Variants in CCDC68 observed in about 807,000 individuals in gnomAD.
CCDC68 encodes the protein coiled-coil domain containing 68.
Under a neutral mutation model 47.1 loss-of-function variants are expected in CCDC68, and 45 were observed. That is an observed-to-expected ratio of 0.96 (90% confidence interval 0.75 to 1.23). CCDC68 has a LOEUF of 1.23. Ranked by LOEUF, CCDC68 falls within the 50% of genes most tolerant of loss-of-function variation. The pLI, the probability that CCDC68 is intolerant of heterozygous loss-of-function variation, is 0.00. For missense variants in CCDC68, 353 were observed against 373.6 expected, an observed-to-expected ratio of 0.94 and a Z score of 0.45; for synonymous variants, 131 against 129.5, an observed-to-expected ratio of 1.01 and a Z score of -0.08.
chr18:54,938,202 T>A, intron 4 of CCDC68, 105 bp from the exon 5 acceptor site: 1 of 1,076,376 alleles, frequency 9.3e-7, no homozygotes, highest in Non-Finnish European at 1.3e-6. Flanking sequence ...AAGCTTCAGA[T>A]CAGCACAAAC....
chr18:54,933,381 T>C (rs1156372362), intron 7 of CCDC68, among the ~76,000 whole-genome samples: 1 of 152,176 alleles, frequency 6.6e-6, no homozygotes, highest in East Asian at 1.9e-4. Context: ...ATGCCCAGCC[T>C]GTTCTTTTGT....
intron 3 of CCDC68, 98 bp downstream of exon 3, chr18:54,942,575 TAC>T (rs113368524): frequency 0.045 from 30,934 of 693,062 alleles, 859 homozygotes; most frequent in Middle Eastern, 0.089. Flanking sequence ...GTTGTTCCTT[TAC>T]ATATGTTCTA....
chr18:54,928,273 G>T (rs985701376), intron 8 of CCDC68, among the ~76,000 whole-genome samples: 1 of 152,154 alleles, frequency 6.6e-6, no homozygotes, highest in African/African-American at 2.4e-5. Flanking sequence ...TGAGGACTGT[G>T]ACTGCTTGTG....
chr18:54,940,541 A>T (rs2044418297), intron 4 of CCDC68, among the ~76,000 whole-genome samples: 1 of 152,214 alleles, frequency 6.6e-6, no homozygotes. Flanking sequence ...TAATCCAGAC[A>T]AGGCTAAGTG....
intron 7 of CCDC68, among the ~76,000 whole-genome samples, chr18:54,934,369 C>T (rs2044309522): frequency 6.6e-6 from 1 of 152,176 alleles, no homozygotes; most frequent in African/African-American, 2.4e-5. Context: ...TCTCCTAGTG[C>T]AGCCGTAGGT....
chr18:54,935,121 CA>C, intron 6 of CCDC68, among the ~76,000 whole-genome samples, 173 bp from the exon 7 acceptor site: 1 of 152,290 alleles, frequency 6.6e-6, no homozygotes, highest in East Asian at 1.9e-4. Flanking sequence ...TAGACTACAA[CA>C]ACATTAAATA....
chr18:54,903,408 T>G lies in CCDC68; in HGVS notation c.*950A>C, dbSNP rs1913795042. The G allele has an allele frequency of 6.6e-6, 1 of 152,218 alleles. No individual in the cohort carries two copies. The highest frequency in any genetic ancestry group is 1.5e-5 in the Non-Finnish European group (1 of 68,034). 9.4% of individuals were successfully genotyped at this position (152,218 alleles called of 1,614,324 possible). ...CTACAAAGAAGGCATGTATCAGAAT[T>G]TAAGCAAACTTTCACAAATACACTA... On this transcript the variant is annotated 3_prime_UTR_variant, in exon 12 of 12. Transcript: ENST00000591504.
chr18:54,947,847 C>CG (rs1440662818), intron 1 of CCDC68, among the ~76,000 whole-genome samples: 3 of 152,040 alleles, frequency 2.0e-5, no homozygotes, highest in African/African-American at 4.8e-5. Flanking sequence ...CTAGCAAACC[C>CG]GGGGGAGAAA....
At chr18:54,911,150 C>T (rs537758657) in intron 10 of CCDC68, among the ~76,000 whole-genome samples, 8 of 152,288 alleles carry the variant, frequency 5.3e-5, no homozygotes, top group East Asian at 3.9e-4. Flanking sequence ...TGGGTTCAAG[C>T]GATTCTCCTG....
chr18:54,902,238 G>C lies in CCDC68; in HGVS notation c.*2120C>G, dbSNP rs1244443259. 1 of 152,148 alleles carries C rather than the reference G, an allele frequency of 6.6e-6. No individual in the cohort carries two copies. The highest frequency in any genetic ancestry group is 2.4e-5 in the African/African-American group (1 of 41,434). 9.4% of individuals were successfully genotyped at this position (152,148 alleles called of 1,614,324 possible). The stretch of plus-strand genomic sequence containing the variant: ...ATTTCCATGTTCAAAAATGAGTATA[G>C]TGAAATCAAAATAAAAACCAACAGT... On this transcript the variant is annotated 3_prime_UTR_variant, in exon 12 of 12. Transcript: ENST00000591504.
chr18:54,911,919 T>A (rs1277131781), intron 10 of CCDC68, among the ~76,000 whole-genome samples: 1 of 152,246 alleles, frequency 6.6e-6, no homozygotes, highest in African/African-American at 2.4e-5. Context: ...GATTTAGGCA[T>A]TTAGTCTTGA....
chr18:54,942,220 A>T (rs1180555042), intron 3 of CCDC68, among the ~76,000 whole-genome samples: 1 of 152,254 alleles, frequency 6.6e-6, no homozygotes. Flanking sequence ...ATGAAGTGAT[A>T]TGCCAACCCA....
At chr18:54,909,041 T>C (rs1914184534) in intron 10 of CCDC68, among the ~76,000 whole-genome samples, 1 of 152,168 alleles carries the variant, frequency 6.6e-6, no homozygotes, top group African/African-American at 2.4e-5. Context: ...ATAAATTGAA[T>C]TCCAAAGACT....
intron 1 of CCDC68, among the ~76,000 whole-genome samples, chr18:54,952,328 T>G: frequency 6.6e-6 from 1 of 152,232 alleles, no homozygotes; most frequent in Non-Finnish European, 1.5e-5. Context: ...TAAAATATTT[T>G]AGGAGTGAAG....
chr18:54,907,468 A>T (rs1197457371), intron 11 of CCDC68, among the ~76,000 whole-genome samples: 7 of 152,228 alleles, frequency 4.6e-5, no homozygotes, highest in Non-Finnish European at 1.0e-4. Context: ...AACTTGAGCA[A>T]CAGAAGAAGA....
chr18:54,918,710 C>A (rs28718748), intron 9 of CCDC68, among the ~76,000 whole-genome samples: 150,070 of 152,304 alleles, frequency 0.99, 73,985 homozygotes, highest in East Asian at 1. Flanking sequence ...CAGTAAAGTA[C>A]CTGAATAGAA....
At chr18:54,956,667 T>C (rs1266410762) in intron 1 of CCDC68, among the ~76,000 whole-genome samples, 1 of 152,192 alleles carries the variant, frequency 6.6e-6, no homozygotes, top group Non-Finnish European at 1.5e-5. Flanking sequence ...CTAAAGACTA[T>C]ATATTGTACG....
intron 11 of CCDC68, among the ~76,000 whole-genome samples, chr18:54,904,945 C>T (rs1236719366): frequency 6.6e-6 from 1 of 151,984 alleles, no homozygotes; most frequent in Non-Finnish European, 1.5e-5. Flanking sequence ...CAACATGGCC[C>T]CTCATCTCAA....
chr18:54,928,993 T>A (rs2044196504), intron 7 of CCDC68, 111 bp from the exon 8 acceptor site: 8 of 665,190 alleles, frequency 1.2e-5, no homozygotes, highest in Admixed American at 2.5e-5. Context: ...ATTTCACATG[T>A]GCTGTTACTC....
Sources: gnomAD v4.1 joint callset for allele counts (sites outside exome capture counted in the v4.1 genomes callset) on GRCh38, gnomAD v4.1.1 for gene constraint, MANE v1.5 for transcripts, NCBI Gene and HGNC (gene_info 2026-07-23, HGNC 2026-07-21) for gene names.